Variants in AMMECR1 observed in about 807,000 individuals in gnomAD.
The protein encoded by AMMECR1 is AMMECR nuclear protein 1.
In AMMECR1, 3 loss-of-function variants were observed where a neutral mutation model predicts 22.5. The ratio of observed to expected loss-of-function variants is 0.13; its 90% CI spans 0.06 to 0.35. The LOEUF (loss-of-function observed/expected upper bound fraction) is 0.35, where lower values mean the gene tolerates loss of function less well. Ranked by LOEUF, AMMECR1 falls within the 10% of genes least tolerant of loss-of-function variation. The probability of loss-of-function intolerance (pLI) is 1.00; values close to 1 mark genes in which losing one functional copy is unlikely to be tolerated. For missense variants in AMMECR1, 235 were observed against 278.7 expected, an observed-to-expected ratio of 0.84 and a Z score of 1.12; for synonymous variants, 130 against 116.7, an observed-to-expected ratio of 1.11 and a Z score of -0.74.
chrX:110,393,366 A>G (rs2068507752), intron 2 of AMMECR1, among the ~76,000 whole-genome samples: 1 of 112,177 alleles, frequency 8.9e-6, no homozygotes, highest in Non-Finnish European at 1.9e-5. Flanking sequence ...AGCAATTACT[A>G]TGTACCAGGT....
chrX:110,363,492 C>T (rs1440790653), intron 2 of AMMECR1, among the ~76,000 whole-genome samples: 1 of 111,962 alleles, frequency 8.9e-6, no homozygotes, highest in Non-Finnish European at 1.9e-5. Flanking sequence ...AAAATGTAAT[C>T]AGTGGAAAAC....
intron 2 of AMMECR1, among the ~76,000 whole-genome samples, chrX:110,410,204 C>T (rs764563841): frequency 1.8e-5 from 2 of 111,214 alleles, no homozygotes; most frequent in South Asian, 3.9e-4. Flanking sequence ...GGTTTTTCCT[C>T]CCCTGTATTG....
At chrX:110,431,097 C>T (rs1226337566) in intron 1 of AMMECR1, among the ~76,000 whole-genome samples, 3 of 111,945 alleles carry the variant, frequency 2.7e-5, no homozygotes, top group Admixed American at 1.9e-4. Flanking sequence ...CTAGGAAGAC[C>T]TGGAGGAAAG....
At chrX:110,298,457 T>C (rs893742717) in intron 1 of AMMECR1, among the ~76,000 whole-genome samples, 1 of 110,988 alleles carries the variant, frequency 9.0e-6, no homozygotes, top group East Asian at 2.8e-4. Flanking sequence ...GGTCTGGGGA[T>C]CCTGAATGAG....
At chrX:110,237,914 A>C (rs1362088420) in intron 2 of AMMECR1, among the ~76,000 whole-genome samples, 1 of 112,388 alleles carries the variant, frequency 8.9e-6, no homozygotes, top group African/African-American at 3.2e-5. Context: ...CTAGACTGAA[A>C]GTTTTCCTTA....
chrX:110,296,899 C>T (rs2067939083), intron 1 of AMMECR1, among the ~76,000 whole-genome samples: 1 of 110,695 alleles, frequency 9.0e-6, no homozygotes, highest in Admixed American at 9.7e-5. Context: ...TGCTTACCTC[C>T]CTGAATTAAG....
At chrX:110,249,554 A>G (rs1054511319) in intron 2 of AMMECR1, among the ~76,000 whole-genome samples, 7 of 111,491 alleles carry the variant, frequency 6.3e-5, no homozygotes, top group African/African-American at 2.3e-4. Context: ...CACACACAAA[A>G]CAGAAGTTAC....
At chrX:110,433,745 T>G (rs752836155) in intron 1 of AMMECR1, among the ~76,000 whole-genome samples, 11 of 112,271 alleles carry the variant, frequency 9.8e-5, no homozygotes, top group Non-Finnish European at 2.1e-4. Flanking sequence ...GCCTTTCTTC[T>G]TATCATGATC....
At chrX:110,431,823 T>C (rs917920169) in intron 1 of AMMECR1, among the ~76,000 whole-genome samples, 2 of 111,778 alleles carry the variant, frequency 1.8e-5, no homozygotes, top group East Asian at 5.6e-4. Flanking sequence ...ACATTAGGTT[T>C]GAGGAGCAGG....
intron 4 of AMMECR1, among the ~76,000 whole-genome samples, chrX:110,201,725 A>T (rs1225571001): frequency 8.9e-6 from 1 of 112,053 alleles, no homozygotes; most frequent in African/African-American, 3.2e-5. Context: ...TGTATCTCAC[A>T]TTTATAAGAC....
intron 2 of AMMECR1, among the ~76,000 whole-genome samples, chrX:110,377,836 C>T (rs1426422632): frequency 4.6e-5 from 5 of 107,767 alleles, no homozygotes; most frequent in African/African-American, 1.7e-4. Flanking sequence ...GGTGAAACCC[C>T]GTCTCTACTA....
At chrX:110,387,230 C>T (rs2068461948) in intron 2 of AMMECR1, among the ~76,000 whole-genome samples, 1 of 112,048 alleles carries the variant, frequency 8.9e-6, no homozygotes, top group South Asian at 3.8e-4. Context: ...CCCCACAGTC[C>T]CACCTTTCCA....
intron 2 of AMMECR1, among the ~76,000 whole-genome samples, chrX:110,418,846 T>G (rs1472538973): frequency 1.8e-5 from 2 of 111,674 alleles, no homozygotes; most frequent in African/African-American, 6.5e-5. Context: ...AAGCAGTGAG[T>G]TCTTTCAGCT....
At chrX:110,209,164 C>T (rs761804449) in intron 3 of AMMECR1, among the ~76,000 whole-genome samples, 3 of 111,298 alleles carry the variant, frequency 2.7e-5, no homozygotes, top group Non-Finnish European at 1.9e-5. Context: ...TGCTGTTTGC[C>T]TAATAAGAAA....
intron 2 of AMMECR1, among the ~76,000 whole-genome samples, chrX:110,217,502 TACACAC>T (rs759487797): frequency 0.034 from 3,025 of 88,534 alleles, 126 homozygotes; most frequent in African/African-American, 0.12. Context: ...GAATAGAAAA[TACACAC>T]ACACACACAC....
intron 2 of AMMECR1, among the ~76,000 whole-genome samples, chrX:110,243,228 C>T (rs1269681176): frequency 2.7e-5 from 3 of 112,079 alleles, no homozygotes; most frequent in African/African-American, 9.7e-5. Context: ...GGAAACCTTC[C>T]AGCCACCTAG....
intron 1 of AMMECR1, among the ~76,000 whole-genome samples, chrX:110,268,803 T>G (rs1384992872): frequency 9.0e-6 from 1 of 111,379 alleles, no homozygotes; most frequent in Non-Finnish European, 1.9e-5. Flanking sequence ...TGAGAGGAGC[T>G]GCTCAATGAG....
chrX:110,434,444 C>T (rs903618279), intron 1 of AMMECR1, among the ~76,000 whole-genome samples: 3 of 111,610 alleles, frequency 2.7e-5, no homozygotes, highest in African/African-American at 9.8e-5. Flanking sequence ...AGAAGTGGAA[C>T]AGGCTCTGAA....
chrX:110,214,242 G>A (rs1216414544), intron 3 of AMMECR1, among the ~76,000 whole-genome samples: 3 of 109,117 alleles, frequency 2.7e-5, no homozygotes, highest in Admixed American at 9.7e-5. Flanking sequence ...CAGCCTGGGC[G>A]ACTGAGCGAG....
Sources: gnomAD v4.1 joint callset for allele counts (sites outside exome capture counted in the v4.1 genomes callset) on GRCh38, gnomAD v4.1.1 for gene constraint, MANE v1.5 for transcripts, NCBI Gene and HGNC (gene_info 2026-07-23, HGNC 2026-07-21) for gene names.